The following MYO16 variants were observed in gnomAD, a reference collection of about 807,000 sequenced individuals.
The protein encoded by MYO16 is unconventional myosin-XVI.
In MYO16, 94 loss-of-function variants were observed where a neutral mutation model predicts 205.3. The ratio of observed to expected loss-of-function variants is 0.46; its 90% CI spans 0.39 to 0.54. The LOEUF is 0.54. MYO16 is among the 20% of genes least tolerant of loss of function. The pLI is 0.00. For synonymous variants in MYO16, 988 were observed against 954.0 expected (o/e 1.04, Z -0.66); for missense variants, 2,315 against 2,387.5 (o/e 0.97, Z 0.63).
At chr13:109,101,122 G>T in intron 28 of MYO16, 1 of 435,314 alleles carries the variant, frequency 2.3e-6, no homozygotes, top group Non-Finnish European at 4.3e-6. Flanking sequence ...CAACATGACA[G>T]AAGCTTATGA....
chr13:108,601,489 T>A (rs1878760943), intron 1 of MYO16, among the ~76,000 whole-genome samples: 4 of 152,258 alleles, frequency 2.6e-5, no homozygotes, highest in Non-Finnish European at 5.9e-5. Flanking sequence ...AATTATATGG[T>A]CATCTAAAAT....
chr13:108,860,556 T>A (rs1878403835), intron 11 of MYO16, among the ~76,000 whole-genome samples: 1 of 152,162 alleles, frequency 6.6e-6, no homozygotes, highest in Admixed American at 6.5e-5. Context: ...GAATAGTAAT[T>A]CTGCTTTTAG....
At chr13:109,152,922 A>C (rs1225586774) in intron 32 of MYO16, among the ~76,000 whole-genome samples, 1 of 152,194 alleles carries the variant, frequency 6.6e-6, no homozygotes, top group East Asian at 1.9e-4. Context: ...CAAGGAATCT[A>C]TTTGGTGCCA....
At chr13:108,998,735 T>C (rs1014137110) in intron 21 of MYO16, among the ~76,000 whole-genome samples, 1 of 152,164 alleles carries the variant, frequency 6.6e-6, no homozygotes, top group African/African-American at 2.4e-5. Context: ...CTTCCATCAA[T>C]CGCGAATCTA....
At chr13:108,649,628 TATTTCTATACC>T (rs1404875672) in intron 1 of MYO16, among the ~76,000 whole-genome samples, 4 of 152,368 alleles carry the variant, frequency 2.6e-5, no homozygotes, top group African/African-American at 9.6e-5. Flanking sequence ...AACCATTGAC[TATTTCTATACC>T]ATTTCTATAC....
chr13:109,032,225 G>A (rs1370765653), intron 23 of MYO16, among the ~76,000 whole-genome samples: 1 of 152,090 alleles, frequency 6.6e-6, no homozygotes, highest in African/African-American at 2.4e-5. Flanking sequence ...TGTGTCTCTT[G>A]GCAGGATTTA....
intron 1 of MYO16, among the ~76,000 whole-genome samples, chr13:108,635,719 C>T (rs9587638): frequency 0.026 from 3,977 of 152,102 alleles, 166 homozygotes; most frequent in African/African-American, 0.083. Flanking sequence ...AGGCTGGTCT[C>T]GAACTTCTGA....
At chr13:108,812,208 T>C (rs1166996688) in intron 7 of MYO16, among the ~76,000 whole-genome samples, 6 of 152,096 alleles carry the variant, frequency 3.9e-5, no homozygotes, top group African/African-American at 1.4e-4. Context: ...GTTCCTCTCC[T>C]GTCCCTGTAC....
chr13:109,176,045 T>C (rs770505063), intron 33 of MYO16, among the ~76,000 whole-genome samples: 1 of 152,068 alleles, frequency 6.6e-6, no homozygotes, highest in Non-Finnish European at 1.5e-5. Flanking sequence ...GAAAAATGAA[T>C]AAAAAATGGA....
intron 2 of MYO16, among the ~76,000 whole-genome samples, chr13:108,670,415 C>T (rs1304251127): frequency 1.3e-5 from 2 of 152,144 alleles, no homozygotes; most frequent in African/African-American, 4.8e-5. Context: ...GAACTGAGAA[C>T]TTCTGATCTA....
chr13:108,603,781 CCTGT>C (rs1878853171), intron 1 of MYO16, among the ~76,000 whole-genome samples: 1 of 152,120 alleles, frequency 6.6e-6, no homozygotes, highest in Non-Finnish European at 1.5e-5. Context: ...ATGCTATTTG[CCTGT>C]CTCTCAGTCA....
chr13:109,191,980 AC>A (rs1448058531), intron 34 of MYO16, among the ~76,000 whole-genome samples: 1 of 152,166 alleles, frequency 6.6e-6, no homozygotes, highest in Non-Finnish European at 1.5e-5. Flanking sequence ...GGGAATCTGG[AC>A]CCCATATTTC....
At chr13:108,923,524 G>C (rs1262126305) in intron 16 of MYO16, among the ~76,000 whole-genome samples, 1 of 152,242 alleles carries the variant, frequency 6.6e-6, no homozygotes, top group Non-Finnish European at 1.5e-5. Flanking sequence ...GGACAGCGAG[G>C]AAGGAGAAAG....
chr13:108,638,255 G>T (rs1377234007), intron 1 of MYO16, among the ~76,000 whole-genome samples: 1 of 152,134 alleles, frequency 6.6e-6, no homozygotes, highest in Non-Finnish European at 1.5e-5. Context: ...ACATTGTTAA[G>T]CCAGAGAATC....
chr13:109,108,849 A>C (rs962730924), intron 28 of MYO16, among the ~76,000 whole-genome samples: 2 of 152,098 alleles, frequency 1.3e-5, no homozygotes, highest in African/African-American at 4.8e-5. Context: ...GAGGGGCCCG[A>C]GTGTGCTGAG....
intron 16 of MYO16, among the ~76,000 whole-genome samples, chr13:108,936,215 T>C (rs1882485740): frequency 6.6e-6 from 1 of 151,844 alleles, no homozygotes; most frequent in South Asian, 2.1e-4. Flanking sequence ...GCTTTTGTTA[T>C]CAGGGTGCTG....
At chr13:108,906,818 G>T (rs1422839018) in intron 15 of MYO16, among the ~76,000 whole-genome samples, 20 of 152,292 alleles carry the variant, frequency 1.3e-4, no homozygotes, top group Non-Finnish European at 2.9e-5. Flanking sequence ...TAGGAAAAAT[G>T]AAGCCCAGAG....
chr13:108,530,744 A>G, the MYO16 span, among the ~76,000 whole-genome samples: 1 of 152,336 alleles, frequency 6.6e-6, no homozygotes, highest in Admixed American at 6.5e-5. Context: ...GTTATGTTAT[A>G]CTTTTAATTA....
chr13:108,581,168 G>A, the MYO16 span, among the ~76,000 whole-genome samples: 1 of 152,026 alleles, frequency 6.6e-6, no homozygotes, highest in Admixed American at 6.6e-5. Context: ...TTTTAGAAAA[G>A]TGAAAAGCGA....
Sources: allele counts gnomAD v4.1 joint callset (sites outside exome capture counted in the v4.1 genomes callset), GRCh38; gene constraint gnomAD v4.1.1; transcripts MANE v1.5; gene names NCBI Gene and HGNC (gene_info 2026-07-23, HGNC 2026-07-21).